Variants in DNAH12 observed in about 807,000 individuals in gnomAD.
DNAH12 encodes dynein axonemal heavy chain 12, also known as axonemal beta dynein heavy chain 12.
Under a neutral mutation model 371.5 loss-of-function variants are expected in DNAH12, and 285 were observed. The ratio of observed to expected loss-of-function variants is 0.77; its 90% CI spans 0.70 to 0.85. The LOEUF is 0.85. Among genes scored for constraint, DNAH12 ranks in the 40% least tolerant of loss-of-function variants. DNAH12 has a pLI of 0.00. For missense variants in DNAH12, 3,611 were observed against 3,689.4 expected, an observed-to-expected ratio of 0.98 and a Z score of 0.55; for synonymous variants, 1,200 against 1,213.0, an observed-to-expected ratio of 0.99 and a Z score of 0.22.
chr3:57,474,307 T>G (rs1302393603), intron 13 of DNAH12, among the ~76,000 whole-genome samples: 2 of 152,332 alleles, frequency 1.3e-5, no homozygotes, highest in East Asian at 1.9e-4. Context: ...GTTAAAAATT[T>G]TTTTTTGAGA....
At chr3:57,471,183 C>T (rs1352799848) in intron 15 of DNAH12, among the ~76,000 whole-genome samples, 3 of 151,890 alleles carry the variant, frequency 2.0e-5, no homozygotes, top group Non-Finnish European at 4.4e-5. Context: ...AAAACCCCAT[C>T]TCTACAAGAA....
intron 20 of DNAH12, among the ~76,000 whole-genome samples, chr3:57,459,145 G>A (rs540598126): frequency 6.6e-6 from 1 of 152,320 alleles, no homozygotes; most frequent in African/African-American, 2.4e-5. Context: ...CATAGGAACT[G>A]AGTGAGACCA....
intron 13 of DNAH12, among the ~76,000 whole-genome samples, chr3:57,476,540 G>A (rs894552409): frequency 1.3e-5 from 2 of 151,780 alleles, no homozygotes; most frequent in African/African-American, 2.4e-5. Context: ...CTCCAGCCTG[G>A]GTGACAGAGC....
At chr3:57,424,662 G>A (rs1386742726) in intron 35 of DNAH12, among the ~76,000 whole-genome samples, 3 of 151,500 alleles carry the variant, frequency 2.0e-5, no homozygotes, top group Non-Finnish European at 4.4e-5. Context: ...TGTAATCTCA[G>A]CTACTCGGGA....
intron 62 of DNAH12, among the ~76,000 whole-genome samples, chr3:57,330,118 C>A (rs2062057783): frequency 6.6e-6 from 1 of 151,806 alleles, no homozygotes; most frequent in South Asian, 2.1e-4. Context: ...GTTGGTGGGA[C>A]TGTAAACTAG....
Position 57,301,918 on chromosome 3 carries a change from G to T in DNAH12, c.11211C>A (p.Asn3737Lys). Residue 3737 changes from asparagine (N) to lysine (K), a missense_variant, in exon 70 of 74, where the codon AAC (asparagine) becomes AAA (lysine). Transcript: ENST00000495027. ...TAGCTTTTTCAAGGTCCCGTAGAGT[G>T]TTACGTATAGTTATAATTAAACTGC... ...RFNNLIITIRNTLRDLEKAIK... is the reference protein window; with the variant it reads ...RFNNLIITIRKTLRDLEKAIK... The T allele has an allele frequency of 3.2e-6, 5 of 1,551,484 alleles. No homozygotes were observed. Among genetic ancestry groups the T allele is most frequent in the Non-Finnish European group, 4.4e-6 (5 of 1,146,948 alleles).
intron 65 of DNAH12, among the ~76,000 whole-genome samples, chr3:57,320,623 C>T (rs1439864350): frequency 1.5e-5 from 1 of 66,568 alleles, no homozygotes; most frequent in African/African-American, 8.6e-5. Flanking sequence ...AAACCAGTCA[C>T]ACCTGCAGAA....
At chr3:57,363,332 A>G (rs966116507) in intron 58 of DNAH12, among the ~76,000 whole-genome samples, 1 of 152,168 alleles carries the variant, frequency 6.6e-6, no homozygotes, top group African/African-American at 2.4e-5. Context: ...CAATAATAAT[A>G]AATATATTTT....
rs773108382 is a variant in DNAH12, at chr3:57,429,686, C to T, written c.5064+5G>A. The T allele has an allele frequency of 2.0e-6, 3 of 1,528,256 alleles. No individual in the cohort carries two copies. Among genetic ancestry groups the T allele is most frequent in the Admixed American group, 4.4e-5 (2 of 45,656 alleles). 94.7% of individuals were successfully genotyped at this position (1,528,256 alleles called of 1,614,324 possible). A position where few individuals can be genotyped will look rare whatever the true frequency, so the allele number is the denominator to read the frequency against. On this transcript the variant is annotated splice_donor_5th_base_variant and intron_variant, in intron 33 of 73. Coordinates refer to ENST00000495027, the MANE Select transcript of DNAH12 (RefSeq NM_001366028.2). ...AACCACCATTGTATTAAATTATGAA[C>T]TTACGGATGCCTGGGAAAGGTCCAT... is the stretch of plus-strand genomic sequence containing the variant.
Position 57,457,986 on chromosome 3 carries a change from T to C in DNAH12, c.3071A>G (p.Asn1024Ser). ...LFFPRFFFLS[N>S]DEMLEILSET... Reference sequence around the variant, plus strand: ...TGATAAAATCTCTAACATTTCATCATTAGATAAGAAGAAAAAACTAGGGAA... The same window carrying C: ...TGATAAAATCTCTAACATTTCATCACTAGATAAGAAGAAAAAACTAGGGAA... The change falls in exon 22 of 74, where the codon AAT (asparagine) becomes AGT (serine). Residue 1024 changes from asparagine to serine, a missense_variant. Asn to Ser is a conservative substitution (Grantham distance 46). This residue lies in a region of DNAH12 where 1,314 missense variants were observed against 1,398.7 expected (regional missense o/e 0.94). Coordinates refer to ENST00000495027, the MANE Select transcript of DNAH12 (RefSeq NM_001366028.2). 4.5e-6 allele frequency: 7 copies of C among 1,549,212 alleles called. No individual in the cohort carries two copies. Among genetic ancestry groups the C allele is most frequent in the Non-Finnish European group, 6.1e-6 (7 of 1,145,566 alleles).
chr3:57,519,231 G>T (rs2068318092), intron 4 of DNAH12, among the ~76,000 whole-genome samples: 1 of 152,100 alleles, frequency 6.6e-6, no homozygotes, highest in Admixed American at 6.5e-5. Flanking sequence ...CTTTCTTTTT[G>T]GGAGGAGGGG....
chr3:57,295,602 G>C lies in DNAH12; in HGVS notation c.11625-10C>G, dbSNP rs749406765. The stretch of plus-strand genomic sequence containing the variant: ...TTCAGCAAGCAATCCACTGTAACGA[G>C]AAATTGACAGAAATTATTAGAAATA... On this transcript the variant is annotated splice_polypyrimidine_tract_variant and intron_variant, in intron 72 of 73. Coordinates refer to ENST00000495027, the MANE Select transcript of DNAH12 (RefSeq NM_001366028.2). The C allele has an allele frequency of 2.6e-6, 4 of 1,526,930 alleles. No individual in the cohort carries two copies. The South Asian group carries it at 5.0e-5, about 19-fold the overall frequency. The allele number at this position is 1,526,930 out of a possible 1,614,324, so 94.6% of individuals were successfully genotyped here.
chr3:57,526,251 A>G (rs2068641788), intron 2 of DNAH12, among the ~76,000 whole-genome samples: 1 of 152,110 alleles, frequency 6.6e-6, no homozygotes, highest in South Asian at 2.1e-4. Context: ...GAAAACATGC[A>G]ATGTTTGTCT....
At chr3:57,420,657 C>T (rs1459968462) in intron 36 of DNAH12, among the ~76,000 whole-genome samples, 13 of 151,820 alleles carry the variant, frequency 8.6e-5, no homozygotes, top group Admixed American at 7.2e-4. Context: ...CGCCTGTAAT[C>T]CTAGCACTTT....
chr3:57,462,606 T>C (rs2066087620), intron 18 of DNAH12, 84 bp downstream of exon 18: 3 of 1,469,804 alleles, frequency 2.0e-6, no homozygotes, highest in Non-Finnish European at 2.7e-6. Flanking sequence ...TCCAGTACTA[T>C]ACACATTCAA....
chr3:57,300,204 G>A (rs1159855269), intron 70 of DNAH12, among the ~76,000 whole-genome samples: 3 of 152,044 alleles, frequency 2.0e-5, no homozygotes, highest in Non-Finnish European at 2.9e-5. Flanking sequence ...CTTTACCTAC[G>A]ATTGTCTTGG....
intron 29 of DNAH12, among the ~76,000 whole-genome samples, chr3:57,438,690 C>A (rs902089327): frequency 1.3e-5 from 2 of 151,826 alleles, no homozygotes; most frequent in East Asian, 3.9e-4. Flanking sequence ...CGGTGGCCCA[C>A]GTCTGTAATC....
At chr3:57,346,680 A>G (rs2153318503) in intron 60 of DNAH12, among the ~76,000 whole-genome samples, 1 of 152,272 alleles carries the variant, frequency 6.6e-6, no homozygotes, top group African/African-American at 2.4e-5. Flanking sequence ...TGGATCCAAA[A>G]GCAAGACCCA....
chr3:57,349,353 C>G lies in DNAH12; in HGVS notation c.9674+2732G>C, dbSNP rs370613415. ...GCGTGGATGCGGTGAAAAGGGTACA[C>G]TTTTACACTGTTGGTGGGAATGTAA... On this transcript the variant is annotated intron_variant, in intron 60 of 73. Transcript: ENST00000495027. 2.6e-5 allele frequency among the ~76,000 whole-genome samples: 4 copies of G among 152,260 alleles called. No individual in the cohort carries two copies. The South Asian group carries it at 8.3e-4, about 32-fold the overall frequency.
Sources: gnomAD v4.1 joint callset for allele counts (sites outside exome capture counted in the v4.1 genomes callset) on GRCh38, gnomAD v4.1.1 for gene constraint, gnomAD v4.1.1 regional missense constraint, MANE v1.5 for transcripts, NCBI Gene and HGNC (gene_info 2026-07-23, HGNC 2026-07-21) for gene names.